The following ZNF254 variants were observed in gnomAD, a reference collection of about 807,000 sequenced individuals.
The protein encoded by ZNF254 is zinc finger protein 254.
In ZNF254, 10 loss-of-function variants were observed where a neutral mutation model predicts 12.4. The ratio of observed to expected loss-of-function variants is 0.80; its 90% CI spans 0.50 to 1.36. The LOEUF (loss-of-function observed/expected upper bound fraction) is 1.36, where lower values mean the gene tolerates loss of function less well. Ranked by LOEUF, ZNF254 falls within the 40% of genes most tolerant of loss-of-function variation. The probability of loss-of-function intolerance (pLI) is 0.00; values close to 1 mark genes in which losing one functional copy is unlikely to be tolerated. For missense variants in ZNF254, 996 were observed against 763.9 expected (o/e 1.30, Z -3.58); for synonymous variants, 305 against 253.4 (o/e 1.20, Z -1.93).
intron 3 of ZNF254, among the ~76,000 whole-genome samples, chr19:24,110,007 G>A (rs947869711): frequency 6.6e-6 from 1 of 151,798 alleles, no homozygotes; most frequent in Non-Finnish European, 1.5e-5. Flanking sequence ...GGGATTACAG[G>A]CATGAGCCAC....
Position 24,056,895 on chromosome 19 carries a change from A to T in ZNF254, c.-94+10616A>T, listed in dbSNP as rs78072771. Among the ~76,000 whole-genome samples the T allele has an allele frequency of 5.6e-3, 847 of 152,278 alleles. 10 individuals carry two copies. Among genetic ancestry groups the T allele is most frequent in the African/African-American group, 0.019 (795 of 41,546 alleles). ...GCCTTCTCTCAGAGAAGTTTGTGAC[A>T]TATCCCTGGCCTATTACCCAGATGA... On this transcript the variant is annotated intron_variant, in intron 2 of 4. Coordinates refer to the ZNF254 transcript ENST00000613065.
chr19:24,033,675 C>T (rs1969848649), intron 1 of ZNF254: 1 of 316,590 alleles, frequency 3.2e-6, no homozygotes, highest in Non-Finnish European at 6.3e-6. Context: ...GTGAAACCGG[C>T]GGGACTGCCT....
chr19:24,090,659 A>G (rs1599683115), intron 1 of ZNF254, among the ~76,000 whole-genome samples: 1 of 152,064 alleles, frequency 6.6e-6, no homozygotes, highest in African/African-American at 2.4e-5. Flanking sequence ...CTGTTCTCAA[A>G]CTTCTGGCCT....
Position 24,117,307 on chromosome 19 carries a change from C to T in ZNF254, c.254-8947C>T, listed in dbSNP as rs909848707. ...GCCCTGCCCCCAGAGGTGGAGCCTACAGAGGCAGGCAGGCCTCCTTGAGCT... is the reference window on the plus strand; with the variant it reads ...GCCCTGCCCCCAGAGGTGGAGCCTATAGAGGCAGGCAGGCCTCCTTGAGCT... On this transcript the variant is annotated intron_variant, in intron 3 of 3. Transcript: ENST00000357002. Among the ~76,000 whole-genome samples, 48 of 152,300 alleles carry T rather than the reference C, an allele frequency of 3.2e-4. 1 individual carries two copies. The highest frequency in any genetic ancestry group is 2.4e-3 in the Admixed American group (36 of 15,304).
At chr19:24,081,009 C>T (rs1399072133) in intron 2 of ZNF254, among the ~76,000 whole-genome samples, 1 of 135,856 alleles carries the variant, frequency 7.4e-6, no homozygotes, top group South Asian at 2.4e-4. Context: ...CCCGGGAGGC[C>T]GAAGTTGCAG....
At chr19:24,091,220 C>G (rs779419026) in intron 1 of ZNF254, among the ~76,000 whole-genome samples, 1 of 151,282 alleles carries the variant, frequency 6.6e-6, no homozygotes, top group Non-Finnish European at 1.5e-5. Flanking sequence ...GCTGGGATTA[C>G]AGGCATCAAC....
upstream of ZNF254, among the ~76,000 whole-genome samples, chr19:24,085,427 A>ATATATATATAT (rs1369362234): frequency 0.022 from 923 of 42,426 alleles, 58 homozygotes; most frequent in African/African-American, 0.033. Flanking sequence ...TATATATATA[A>ATATATATATAT]AAACTAAGAT....
Position 24,106,659 on chromosome 19 carries a change from T to C in ZNF254, c.253+16T>C. On this transcript the variant is annotated intron_variant, in intron 3 of 3. Transcript: ENST00000357002. ...GAACCCCCAGGTAGGTGAGAGTGAA[T>C]ACAACAGATGACATGGATGAGAGGT... The C allele has an allele frequency of 1.3e-6, 2 of 1,565,584 alleles. No individual in the cohort carries two copies. Among genetic ancestry groups the C allele is most frequent in the South Asian group, 2.2e-5 (2 of 90,118 alleles).
chr19:24,079,748 A>G (rs2145567081), intron 2 of ZNF254: 1 of 152,314 alleles, frequency 6.6e-6, no homozygotes, highest in East Asian at 1.9e-4. Flanking sequence ...TGCAACCCGA[A>G]CCATAATATA....
At chr19:24,067,361 T>A (rs1023349957) in intron 2 of ZNF254, among the ~76,000 whole-genome samples, 1 of 151,828 alleles carries the variant, frequency 6.6e-6, no homozygotes, top group Admixed American at 6.6e-5. Flanking sequence ...ATGGTCATTG[T>A]GACATATCTA....
chr19:24,121,345 G>T (rs1244596697), intron 3 of ZNF254, among the ~76,000 whole-genome samples: 4 of 151,092 alleles, frequency 2.6e-5, no homozygotes, highest in African/African-American at 9.7e-5. Context: ...ATTTTGTTTT[G>T]CAATTTTATA....
rs570166411 is a variant in ZNF254 at position 24,119,260 on chromosome 19, C to T, written c.254-6994C>T. On this transcript the variant is annotated intron_variant, in intron 3 of 3. Transcript: ENST00000357002. ...AGGCCAGAGTGCAGTGACACAATCT[C>T]GGCTCACTGCAACCTCTGCCTCCTA... is the stretch of plus-strand genomic sequence containing the variant. Among the ~76,000 whole-genome samples, 103 of 152,044 alleles carry T rather than the reference C, an allele frequency of 6.8e-4. 1 individual carries two copies. The highest frequency in any genetic ancestry group is 1.2e-3 in the Non-Finnish European group (81 of 67,966).
At chr19:24,042,705 C>A (rs564433626) in intron 1 of ZNF254, among the ~76,000 whole-genome samples, 1 of 152,312 alleles carries the variant, frequency 6.6e-6, no homozygotes, top group Non-Finnish European at 1.5e-5. Context: ...CAAACCAGTA[C>A]CTGTGTCTTC....
intron 2 of ZNF254, among the ~76,000 whole-genome samples, chr19:24,052,350 T>C (rs1371811565): frequency 6.6e-6 from 1 of 152,254 alleles, no homozygotes; most frequent in East Asian, 1.9e-4. Flanking sequence ...TTCCTGTTTC[T>C]GGCATATTTT....
chr19:24,094,208 C>T (rs1416402917), intron 1 of ZNF254, among the ~76,000 whole-genome samples: 1 of 152,168 alleles, frequency 6.6e-6, no homozygotes, highest in Non-Finnish European at 1.5e-5. Context: ...ATTATGTTGT[C>T]TGCAAACAGG....
intron 3 of ZNF254, among the ~76,000 whole-genome samples, chr19:24,110,384 G>C (rs981080058): frequency 2.6e-5 from 4 of 151,868 alleles, no homozygotes. Flanking sequence ...AAAATATGGA[G>C]ACACCCTCTC....
chr19:24,075,858 G>C (rs1270480255), intron 2 of ZNF254, among the ~76,000 whole-genome samples: 2 of 152,136 alleles, frequency 1.3e-5, no homozygotes, highest in African/African-American at 4.8e-5. Flanking sequence ...TTATTTTAGA[G>C]GCCTCACCCT....
chr19:24,127,860 TAAG>T lies in ZNF254; in HGVS notation c.1862_1864del (p.Lys621del). On this transcript the variant is annotated inframe_deletion, in exon 4 of 4. Transcript: ENST00000357002. ...TCTGGTCCTCAACCCTAACTAAACA[TAAG>T]AGAATTCATACTGGAGAGCAACCCT... 3 of 1,613,352 alleles carry T rather than the reference TAAG, an allele frequency of 1.9e-6. No homozygotes were observed. The highest frequency in any genetic ancestry group is 2.5e-6 in the Non-Finnish European group (3 of 1,179,734).
At chr19:24,071,272 A>T (rs1048573329) in intron 2 of ZNF254, among the ~76,000 whole-genome samples, 1 of 152,132 alleles carries the variant, frequency 6.6e-6, no homozygotes, top group Non-Finnish European at 1.5e-5. Flanking sequence ...AGGGGGAGTG[A>T]CTAATCCCTA....
Sources: gnomAD v4.1 joint callset for allele counts (sites outside exome capture counted in the v4.1 genomes callset) on GRCh38, gnomAD v4.1.1 for gene constraint, MANE v1.5 for transcripts, NCBI Gene and HGNC (gene_info 2026-07-23, HGNC 2026-07-21) for gene names.